Variants in ERICH2 observed in about 807,000 individuals in gnomAD.
ERICH2 encodes glutamate rich 2.
A neutral mutation model predicts 17.4 loss-of-function variants in ERICH2; 17 were observed. That is an observed-to-expected ratio of 0.98 (90% CI 0.67 to 1.47). ERICH2 has a LOEUF of 1.47. ERICH2 is among the 40% of genes most tolerant of loss of function. The pLI is 0.00. For missense variants in ERICH2, 186 were observed against 183.2 expected, an observed-to-expected ratio of 1.01 and a Z score of -0.09; for synonymous variants, 51 against 61.1, an observed-to-expected ratio of 0.83 and a Z score of 0.77.
the ERICH2 span, among the ~76,000 whole-genome samples, chr2:170,775,364 C>T: frequency 1.3e-5 from 2 of 151,810 alleles, no homozygotes; most frequent in South Asian, 2.1e-4. Context: ...CCCAGGTGAT[C>T]GAGGCTGCAG....
upstream of ERICH2, among the ~76,000 whole-genome samples, chr2:170,781,131 A>C (rs1001490538): frequency 1.3e-5 from 2 of 152,212 alleles, no homozygotes; most frequent in African/African-American, 4.8e-5. Flanking sequence ...CAACCTGGTC[A>C]ACCTATTTGC....
upstream of ERICH2, among the ~76,000 whole-genome samples, chr2:170,781,704 C>A (rs1224730737): frequency 1.1e-5 from 1 of 91,604 alleles, no homozygotes; most frequent in Non-Finnish European, 2.9e-5. Flanking sequence ...ACAGAGGGCA[C>A]CTCATTAAGA....
At chr2:170,790,515 T>C (rs1559254700) in intron 2 of ERICH2, among the ~76,000 whole-genome samples, 1 of 152,170 alleles carries the variant, frequency 6.6e-6, no homozygotes, top group Non-Finnish European at 1.5e-5. Context: ...TAATCCCAGC[T>C]ATTCAGGAGG....
intron 3 of ERICH2, 79 bp from the exon 9 acceptor site, chr2:170,797,962 C>T (rs781046932): frequency 1.9e-5 from 18 of 937,172 alleles, no homozygotes; most frequent in Non-Finnish European, 2.7e-5. Context: ...ACTGACAGTT[C>T]AATTTCATTC....
At chr2:170,781,350 G>A (rs527288567), upstream of ERICH2, among the ~76,000 whole-genome samples, 49 of 152,196 alleles carry the variant, frequency 3.2e-4, no homozygotes, top group African/African-American at 1.1e-3. Flanking sequence ...AAAGAGACTT[G>A]GGGGGCTGGG....
intron 2 of ERICH2, among the ~76,000 whole-genome samples, chr2:170,788,087 A>G (rs570542074): frequency 6.6e-6 from 1 of 152,356 alleles, no homozygotes; most frequent in Admixed American, 6.5e-5. Context: ...TAAAGAAATC[A>G]GTCATATTAT....
the ERICH2 span, chr2:170,770,981 G>GCCCCCGCCCCCGCCACCT: frequency 1.1e-4 from 1 of 9,480 alleles, no homozygotes; most frequent in East Asian, 4.4e-3. Context: ...CCCTGCCCCC[G>GCCCCCGCCCCCGCCACCT]CCCCCGCCCC....
intron 2 of ERICH2, among the ~76,000 whole-genome samples, chr2:170,791,685 G>A (rs1290763038): frequency 6.6e-6 from 1 of 150,958 alleles, no homozygotes; most frequent in Non-Finnish European, 1.5e-5. Flanking sequence ...GCGAGACTCC[G>A]TCTCAAAAAT....
chr2:170,790,799 T>C (rs1364393257), intron 2 of ERICH2, among the ~76,000 whole-genome samples: 1 of 147,290 alleles, frequency 6.8e-6, no homozygotes, highest in South Asian at 2.1e-4. Flanking sequence ...CCAAGACTCC[T>C]TCTCAAAAAA....
At chr2:170,778,658 G>A in the ERICH2 span, among the ~76,000 whole-genome samples, 100,340 of 151,926 alleles carry the variant, frequency 0.66, 33,373 homozygotes, top group East Asian at 0.78. Context: ...TGTTACATAT[G>A]GTAATCTACA....
rs151256664 is a variant in ERICH2 at position 170,796,098 on chromosome 2, T to C, written c.275-1943T>C. Among the ~76,000 whole-genome samples, 557 of 152,330 alleles carry C rather than the reference T, an allele frequency of 3.7e-3. 4 individuals carry two copies. Among genetic ancestry groups the C allele is most frequent in the African/African-American group, 0.011 (471 of 41,584 alleles). On this transcript the variant is annotated intron_variant, in intron 3 of 4. Transcript: ENST00000409885. ...CTAAAGAAGCAAGCTGGAGAAACCC[T>C]CTTCTGGAAAGAAGCTTAGCCTCAG...
the ERICH2 span, chr2:170,777,426 G>A: frequency 1.7e-6 from 2 of 1,199,168 alleles, no homozygotes; most frequent in Non-Finnish European, 2.1e-6. Flanking sequence ...GATCCAAACG[G>A]TAAATGATTT....
At chr2:170,788,102 A>G (rs370590965) in intron 2 of ERICH2, among the ~76,000 whole-genome samples, 18 of 152,324 alleles carry the variant, frequency 1.2e-4, no homozygotes, top group African/African-American at 3.4e-4. Context: ...TATTATATTT[A>G]CTATATTTCC....
chr2:170,797,066 A>G (rs1701444117), intron 3 of ERICH2, among the ~76,000 whole-genome samples: 1 of 152,226 alleles, frequency 6.6e-6, no homozygotes, highest in South Asian at 2.1e-4. Flanking sequence ...ATCAGCAGAA[A>G]GGAATAAATA....
intron 2 of ERICH2, among the ~76,000 whole-genome samples, chr2:170,788,531 GC>G (rs962255310): frequency 1.9e-4 from 29 of 152,114 alleles, no homozygotes; most frequent in African/African-American, 6.7e-4. Flanking sequence ...GAGTTCAGTG[GC>G]GTGATCTCGG....
the ERICH2 span, chr2:170,777,453 A>G: frequency 2.5e-6 from 3 of 1,210,022 alleles, no homozygotes; most frequent in African/African-American, 4.7e-5. Flanking sequence ...TTGAAAGAAT[A>G]TGTTTAGCCA....
At chr2:170,778,183 A>G in the ERICH2 span, 1 of 152,294 alleles carries the variant, frequency 6.6e-6, no homozygotes, top group Non-Finnish European at 1.5e-5. Context: ...TCACAGTACA[A>G]TATCAATTTA....
chr2:170,777,208 T>A, the ERICH2 span: 1 of 164,850 alleles, frequency 6.1e-6, no homozygotes, highest in African/African-American at 2.4e-5. Flanking sequence ...TAGGATGTTT[T>A]GAGTCTATTT....
intron 2 of ERICH2, among the ~76,000 whole-genome samples, chr2:170,791,078 A>G (rs555410607): frequency 6.6e-6 from 1 of 152,304 alleles, no homozygotes; most frequent in Admixed American, 6.5e-5. Context: ...ACATAGATAT[A>G]AACCACTAAA....
Sources: allele counts gnomAD v4.1 joint callset (sites outside exome capture counted in the v4.1 genomes callset), GRCh38; gene constraint gnomAD v4.1.1; transcripts MANE v1.5; gene names NCBI Gene and HGNC (gene_info 2026-07-23, HGNC 2026-07-21).